The following SPMIP7 variants were observed in gnomAD, a reference collection of about 807,000 sequenced individuals.
SPMIP7 encodes sperm microtubule inner protein 7, also known as protein SPMIP7.
At chr7:50,125,094 G>GTATATATA in the SPMIP7 span, among the ~76,000 whole-genome samples, 36 of 73,808 alleles carry the variant, frequency 4.9e-4, 4 homozygotes, top group South Asian at 9.8e-4. Context: ...GTGAGATTAA[G>GTATATATA]TATATATATA....
chr7:50,122,171 A>G, the SPMIP7 span, among the ~76,000 whole-genome samples: 2 of 152,220 alleles, frequency 1.3e-5, no homozygotes, highest in Non-Finnish European at 2.9e-5. Context: ...TAAAAGTATA[A>G]CATTGTCCTC....
chr7:50,139,927 CA>C, the SPMIP7 span, among the ~76,000 whole-genome samples: 1 of 152,250 alleles, frequency 6.6e-6, no homozygotes, highest in African/African-American at 2.4e-5. Flanking sequence ...CAGCCAGACC[CA>C]AAAATTTATT....
At chr7:50,096,128 T>C in the SPMIP7 span, 2 of 1,533,876 alleles carry the variant, frequency 1.3e-6, no homozygotes, top group East Asian at 2.5e-5. Flanking sequence ...GATAAGTATC[T>C]CTAAAAGGTC....
At chr7:50,106,562 ATTATC>A in the SPMIP7 span, among the ~76,000 whole-genome samples, 1 of 152,216 alleles carries the variant, frequency 6.6e-6, no homozygotes, top group Non-Finnish European at 1.5e-5. Flanking sequence ...GAAGGAAGAT[ATTATC>A]TTATTAAACC....
chr7:50,096,162 A>T, the SPMIP7 span: 1 of 1,551,220 alleles, frequency 6.4e-7, no homozygotes, highest in Non-Finnish European at 8.7e-7. Context: ...ACTGTTGAGA[A>T]TATAGATTAC....
At chr7:50,139,281 G>C in the SPMIP7 span, among the ~76,000 whole-genome samples, 1 of 150,894 alleles carries the variant, frequency 6.6e-6, no homozygotes, top group Non-Finnish European at 1.5e-5. Flanking sequence ...CCCGGGAGAC[G>C]GAGGTTACAG....
the SPMIP7 span, among the ~76,000 whole-genome samples, chr7:50,128,650 G>C: frequency 6.6e-6 from 1 of 151,900 alleles, no homozygotes; most frequent in East Asian, 1.9e-4. Flanking sequence ...TGGTAGAATA[G>C]AAGGTACATG....
At chr7:50,130,809 A>T in the SPMIP7 span, among the ~76,000 whole-genome samples, 2 of 152,010 alleles carry the variant, frequency 1.3e-5, no homozygotes, top group African/African-American at 4.8e-5. Flanking sequence ...TACCCTGAAG[A>T]GGGAATATAG....
the SPMIP7 span, among the ~76,000 whole-genome samples, chr7:50,118,855 A>G: frequency 1.3e-5 from 2 of 152,172 alleles, no homozygotes; most frequent in East Asian, 1.9e-4. Flanking sequence ...ATGGTAATCA[A>G]ATCCACCCCC....
At chr7:50,096,333 C>A in the SPMIP7 span, 1 of 1,552,116 alleles carries the variant, frequency 6.4e-7, no homozygotes, top group South Asian at 1.2e-5. Context: ...TTACATGATC[C>A]TTATCCCCCA....
chr7:50,106,869 C>A, the SPMIP7 span, among the ~76,000 whole-genome samples: 1 of 152,096 alleles, frequency 6.6e-6, no homozygotes, highest in Non-Finnish European at 1.5e-5. Context: ...TTTGGGAGGC[C>A]AAGGCAGGAT....
the SPMIP7 span, among the ~76,000 whole-genome samples, chr7:50,118,942 CT>C: frequency 1.3e-5 from 2 of 152,154 alleles, no homozygotes; most frequent in East Asian, 3.9e-4. Flanking sequence ...CCTCGTGTAT[CT>C]TCCATTATCC....
At chr7:50,159,025 T>G in the SPMIP7 span, 8 of 1,550,492 alleles carry the variant, frequency 5.2e-6, no homozygotes, top group Non-Finnish European at 7.0e-6. Context: ...TTTTCCTCCT[T>G]TTTTTCCCAT....
the SPMIP7 span, chr7:50,136,144 C>T: frequency 1.7e-5 from 26 of 1,550,798 alleles, 1 homozygote; most frequent in Middle Eastern, 3.3e-4. Context: ...TCTTTCTTGG[C>T]ACCAGTCAAA....
chr7:50,132,994 A>AT, the SPMIP7 span, among the ~76,000 whole-genome samples: 7 of 152,116 alleles, frequency 4.6e-5, no homozygotes, highest in Non-Finnish European at 5.9e-5. Context: ...TCACAGTGGG[A>AT]TTTTTTTGGA....
At chr7:50,106,929 C>A in the SPMIP7 span, among the ~76,000 whole-genome samples, 1 of 152,042 alleles carries the variant, frequency 6.6e-6, no homozygotes, top group South Asian at 2.1e-4. Context: ...AGCAAAACCC[C>A]ATCTGTACTA....
chr7:50,104,364 C>A, the SPMIP7 span: 84 of 1,540,598 alleles, frequency 5.5e-5, no homozygotes, highest in Admixed American at 5.3e-4. Flanking sequence ...TCATGAAGGA[C>A]GCTCATTAAG....
the SPMIP7 span, among the ~76,000 whole-genome samples, chr7:50,140,979 G>T: frequency 1.3e-5 from 2 of 152,226 alleles, no homozygotes; most frequent in Non-Finnish European, 2.9e-5. Flanking sequence ...GTCTCCAAAG[G>T]AGTTGTGCTG....
chr7:50,101,726 C>G, the SPMIP7 span, among the ~76,000 whole-genome samples: 3 of 152,034 alleles, frequency 2.0e-5, no homozygotes, highest in African/African-American at 7.2e-5. Flanking sequence ...AGATAGATAC[C>G]ACAAAATGCC....
Sources: allele counts gnomAD v4.1 joint callset (sites outside exome capture counted in the v4.1 genomes callset), GRCh38; gene constraint gnomAD v4.1.1; transcripts MANE v1.5; gene names NCBI Gene and HGNC (gene_info 2026-07-23, HGNC 2026-07-21).